Variants in PAQR8 observed in about 807,000 individuals in gnomAD.
The protein encoded by PAQR8 is membrane progestin receptor beta.
PAQR8 carries 17 observed loss-of-function variants against 25.2 expected under a neutral mutation model. The observed-to-expected ratio is 0.67, with a 90% CI of 0.46 to 1.01. The LOEUF is 1.01. Among genes scored for constraint, PAQR8 ranks in the 50% least tolerant of loss-of-function variants. The pLI, the probability that PAQR8 is intolerant of heterozygous loss-of-function variation, is 0.00. For synonymous variants in PAQR8, 204 were observed against 190.6 expected (o/e 1.07, Z -0.58); for missense variants, 392 against 448.4 (o/e 0.87, Z 1.14).
chr6:52,393,538 C>T (rs1458346353), intron 1 of PAQR8, among the ~76,000 whole-genome samples: 1 of 151,770 alleles, frequency 6.6e-6, no homozygotes, highest in African/African-American at 2.4e-5. Context: ...GCTGTGTTGC[C>T]AAGGCTGGTC....
At chr6:52,390,044 T>TCAG (rs1763682118) in intron 1 of PAQR8, among the ~76,000 whole-genome samples, 1 of 152,204 alleles carries the variant, frequency 6.6e-6, no homozygotes, top group Non-Finnish European at 1.5e-5. Context: ...CAGCAAAGTT[T>TCAG]ACCTTTACTC....
At chr6:52,364,099 T>TTTTTTTTTTTTTTTTC in intron 1 of PAQR8, among the ~76,000 whole-genome samples, 1 of 147,654 alleles carries the variant, frequency 6.8e-6, no homozygotes, top group Non-Finnish European at 1.5e-5. Flanking sequence ...TTTTTTTTTT[T>TTTTTTTTTTTTTTTTC]TTTTGCGGGT....
In PAQR8 at chr6:52,403,852, A is replaced by G. The variant is rs2113953696; in HGVS notation, c.639A>G (p.Gln213=). The G allele has an allele frequency of 6.2e-7, 1 of 1,614,254 alleles. No homozygotes were observed. Among genetic ancestry groups the G allele is most frequent in the Non-Finnish European group, 8.5e-7 (1 of 1,180,040 alleles). Residue 213 remains glutamine (Q), a synonymous_variant, in exon 2 of 2, where the codon CAA becomes CAG. Coordinates refer to ENST00000442253, the MANE Select transcript of PAQR8 (RefSeq NM_133367.5). ...ATCCAGTCATGAGGAAGATCTGTCA[A>G]GTGGTGCCAGCAGGTCTGGCTTTTA... ...RPYPVMRKIC[Q]VVPAGLAFIL...
At chr6:52,396,477 G>A (rs1204527403) in intron 1 of PAQR8, among the ~76,000 whole-genome samples, 1 of 152,140 alleles carries the variant, frequency 6.6e-6, no homozygotes, top group African/African-American at 2.4e-5. Flanking sequence ...GAATAATTAG[G>A]GCTTAGAATT....
At chr6:52,398,305 C>A (rs1763791927) in intron 1 of PAQR8, among the ~76,000 whole-genome samples, 1 of 148,764 alleles carries the variant, frequency 6.7e-6, no homozygotes. Flanking sequence ...CTCTCTGGTT[C>A]AAGTGATTCT....
chr6:52,397,818 A>T (rs1490635453), intron 1 of PAQR8, among the ~76,000 whole-genome samples: 1 of 152,180 alleles, frequency 6.6e-6, no homozygotes, highest in Non-Finnish European at 1.5e-5. Flanking sequence ...CAGAGGCCAG[A>T]AGTGAGGGAG....
At chr6:52,372,632 T>C (rs1258717407) in intron 1 of PAQR8, among the ~76,000 whole-genome samples, 1 of 152,014 alleles carries the variant, frequency 6.6e-6, no homozygotes, top group Non-Finnish European at 1.5e-5. Context: ...TTAAACTTTC[T>C]GTTATTGAAA....
intron 1 of PAQR8, among the ~76,000 whole-genome samples, chr6:52,367,094 C>T (rs138266896): frequency 1.1e-3 from 161 of 152,158 alleles, no homozygotes; most frequent in African/African-American, 3.6e-3. Flanking sequence ...TTGCCCCTTT[C>T]CCCCAGAGGA....
chr6:52,366,968 A>T (rs188128602), intron 1 of PAQR8, among the ~76,000 whole-genome samples: 14 of 152,050 alleles, frequency 9.2e-5, no homozygotes, highest in African/African-American at 2.9e-4. Context: ...CTGGTCTCGA[A>T]CTCCTGACCT....
rs1362488336 is a variant in PAQR8, at chr6:52,363,000, G to T, written c.-53+751G>T. ...GGTGGGGTGTCGGAGGTGGCTGGTG[G>T]GGCTGGAACGCTGGGAACGTCTGTC... On this transcript the variant is annotated intron_variant, in intron 1 of 1. Coordinates refer to ENST00000442253, the MANE Select transcript of PAQR8 (RefSeq NM_133367.5). The surrounding 1 kb of genome is among the most constrained non-coding windows in gnomAD (Gnocchi z 4.1). Among the ~76,000 whole-genome samples the T allele has an allele frequency of 6.6e-6, 1 of 152,100 alleles. No individual in the cohort carries two copies. The highest frequency in any genetic ancestry group is 1.5e-5 in the Non-Finnish European group (1 of 68,012).
chr6:52,404,437 TTTG>T lies in PAQR8; in HGVS notation c.*168_*170del, dbSNP rs1236142581. On this transcript the variant is annotated 3_prime_UTR_variant, in exon 2 of 2. Transcript: ENST00000442253. ...TTTGAAAGCCAAAGGATTTAAGAGTTTTGTTGTTGTTAATAAAAGGAATACTCC... is the reference window on the plus strand; with the variant it reads ...TTTGAAAGCCAAAGGATTTAAGAGTTTTGTTGTTAATAAAAGGAATACTCC... 6 of 725,374 alleles carry T rather than the reference TTTG, an allele frequency of 8.3e-6. No homozygotes were observed. Among genetic ancestry groups the T allele is most frequent in the African/African-American group, 7.1e-5 (4 of 56,048 alleles). The allele number at this position is 725,374 out of a possible 1,614,324, so 44.9% of individuals were successfully genotyped here. A position where few individuals can be genotyped will look rare whatever the true frequency, so the allele number is the denominator to read the frequency against.
rs186101109 is a variant in PAQR8 at position 52,403,202 on chromosome 6, C to T, written c.-12C>T. The T allele has an allele frequency of 2.3e-5, 36 of 1,585,634 alleles. No homozygotes were observed. Among genetic ancestry groups the T allele is most frequent in the African/African-American group, 1.7e-4 (13 of 74,552 alleles). On this transcript the variant is annotated 5_prime_UTR_variant, in exon 2 of 2. Transcript: ENST00000442253. ...CTGAGGGCGCGGCACGGAGTGCATG[C>T]GGGCCGCTGCCATGACGACCGCCAT...
intron 1 of PAQR8, among the ~76,000 whole-genome samples, chr6:52,374,281 G>A (rs988086697): frequency 6.6e-6 from 1 of 152,128 alleles, no homozygotes; most frequent in East Asian, 1.9e-4. Context: ...AGAAACTTTG[G>A]TTCTCCATTT....
intron 1 of PAQR8, among the ~76,000 whole-genome samples, chr6:52,378,533 A>C (rs6912812): frequency 0.95 from 144,858 of 152,278 alleles, 69,356 homozygotes; most frequent in East Asian, 1. Flanking sequence ...TGGCTGAGGC[A>C]TGTAATCCCA....
In PAQR8 at chr6:52,405,817, T is replaced by A. The variant is rs1318139901; in HGVS notation, c.*1539T>A. ...AATGGAAATGTATGAACACAATATA[T>A]GCTCATGTAGAATTTTCTGTTCTGG... On this transcript the variant is annotated 3_prime_UTR_variant, in exon 2 of 2. Coordinates refer to ENST00000442253, the MANE Select transcript of PAQR8 (RefSeq NM_133367.5). The A allele has an allele frequency of 6.0e-6, 1 of 167,086 alleles. No individual in the cohort carries two copies. The highest frequency in any genetic ancestry group is 1.5e-5 in the Non-Finnish European group (1 of 68,120). 10.4% of individuals were successfully genotyped at this position (167,086 alleles called of 1,614,324 possible). A position where few individuals can be genotyped will look rare whatever the true frequency, so the allele number is the denominator to read the frequency against.
At chr6:52,397,777 T>C (rs1014869686) in intron 1 of PAQR8, among the ~76,000 whole-genome samples, 2 of 152,192 alleles carry the variant, frequency 1.3e-5, no homozygotes, top group African/African-American at 4.8e-5. Flanking sequence ...CAGCTGATAG[T>C]CACATCAGGT....
intron 1 of PAQR8, among the ~76,000 whole-genome samples, chr6:52,379,780 C>G (rs1763533779): frequency 6.6e-6 from 1 of 152,144 alleles, no homozygotes; most frequent in African/African-American, 2.4e-5. Flanking sequence ...GCGCCTGCTA[C>G]CGCGCCCGGC....
intron 1 of PAQR8, among the ~76,000 whole-genome samples, chr6:52,392,250 G>C (rs113660309): frequency 1.3e-5 from 2 of 151,840 alleles, no homozygotes; most frequent in Non-Finnish European, 2.9e-5. Context: ...AGGCTGAGGC[G>C]GGAGAATTGC....
chr6:52,379,409 A>G (rs1763525530), intron 1 of PAQR8, among the ~76,000 whole-genome samples: 1 of 152,164 alleles, frequency 6.6e-6, no homozygotes, highest in South Asian at 2.1e-4. Context: ...ACTGAACTGT[A>G]CACTTAAAAT....
Sources: allele counts gnomAD v4.1 joint callset (sites outside exome capture counted in the v4.1 genomes callset), GRCh38; gene constraint gnomAD v4.1.1; non-coding constraint Gnocchi (gnomAD v3.1); transcripts MANE v1.5; gene names NCBI Gene and HGNC (gene_info 2026-07-23, HGNC 2026-07-21).